The following LY6H variants were observed in gnomAD, a reference collection of about 807,000 sequenced individuals.
LY6H encodes lymphocyte antigen 6H.
In LY6H, 8 loss-of-function variants were observed where a neutral mutation model predicts 14.6. The ratio of observed to expected loss-of-function variants is 0.55; its 90% CI spans 0.32 to 0.99. The LOEUF (loss-of-function observed/expected upper bound fraction) is 0.99, where lower values mean the gene tolerates loss of function less well. Ranked by LOEUF, LY6H falls within the 50% of genes least tolerant of loss-of-function variation. The pLI is 0.04. For synonymous variants in LY6H, 115 were observed against 97.2 expected, an observed-to-expected ratio of 1.18 and a Z score of -1.08; for missense variants, 196 against 219.6, an observed-to-expected ratio of 0.89 and a Z score of 0.68.
At position 143,158,385 on chromosome 8, in the gene LY6H, C is replaced by A. The variant is rs139991654; in HGVS notation, c.351G>T (p.Gly117=). Residue 117 remains glycine (G), a synonymous_variant, in exon 4 of 4, where the codon GGG becomes GGT. Coordinates refer to ENST00000342752, the MANE Select transcript of LY6H (RefSeq NM_001135655.2). ...AGCAGTCCACGTCGACCTTTAAGATCCCAGAGTTAATAAACCCCATCAGAT... is the reference window on the plus strand; with the variant it reads ...AGCAGTCCACGTCGACCTTTAAGATACCAGAGTTAATAAACCCCATCAGAT... The part of the protein sequence containing the change: ...SDYLMGFINS[G]ILKVDVDCCE... 1 of 1,614,004 alleles carries A rather than the reference C, an allele frequency of 6.2e-7. No homozygotes were observed. The highest frequency in any genetic ancestry group is 2.2e-5 in the East Asian group (1 of 44,862).
At chr8:143,159,523 T>C in intron 2 of LY6H, 59 bp downstream of exon 2, 1 of 1,434,752 alleles carries the variant, frequency 7.0e-7, no homozygotes, top group Non-Finnish European at 9.1e-7. Flanking sequence ...CACCCGGCTC[T>C]CCCGCGGCGC....
At position 143,158,987 on chromosome 8, in the gene LY6H, GC is replaced by G. The variant is rs555586816; in HGVS notation, c.131-66del. 162 of 1,565,668 alleles carry G rather than the reference GC, an allele frequency of 1.0e-4. No homozygotes were observed. In the African/African-American group the frequency reaches 1.9e-3, roughly 18 times the overall value. On this transcript the variant is annotated intron_variant, in intron 2 of 3. Transcript: ENST00000342752. ...GGGTCCAAACCAGGCAGCCCCCTGC[GC>G]CCCCCACCCATCCCCCTGCTGCAGG...
At chr8:143,160,087 GGGGCCGGGAACCCC>G (rs1365429999) in intron 1 of LY6H, 97 bp downstream of exon 1, 5 of 981,804 alleles carry the variant, frequency 5.1e-6, no homozygotes, top group Middle Eastern at 3.6e-4. Context: ...CCTGGGCTGG[GGGGCCGGGAACCCC>G]GGGCCGAGTC....
Position 143,158,126 on chromosome 8 carries a change from G to T in LY6H, c.*124C>A. On this transcript the variant is annotated 3_prime_UTR_variant, in exon 4 of 4. Transcript: ENST00000342752. ...GCTTCACGTCGGGGGAGGAGTGAGA[G>T]CCACAGGCCACAGCCACGGAGCTGG... The T allele has an allele frequency of 1.6e-6, 1 of 643,578 alleles. No homozygotes were observed. Among genetic ancestry groups the T allele is most frequent in the Non-Finnish European group, 2.7e-6 (1 of 371,208 alleles). 39.9% of individuals were successfully genotyped at this position (643,578 alleles called of 1,614,324 possible). A position where few individuals can be genotyped will look rare whatever the true frequency, so the allele number is the denominator to read the frequency against.
chr8:143,160,094 G>GGAACCCCGGGCCGA (rs1388758937), intron 1 of LY6H, 104 bp downstream of exon 1: 1 of 1,033,776 alleles, frequency 9.7e-7, no homozygotes, highest in African/African-American at 1.7e-5. Flanking sequence ...TGGGGGGCCG[G>GGAACCCCGGGCCGA]GAACCCCGGG....
chr8:143,160,045 G>A, intron 1 of LY6H, 153 bp downstream of exon 1: 1 of 986,642 alleles, frequency 1.0e-6, no homozygotes, highest in South Asian at 5.1e-5. Context: ...GCCACTGGGG[G>A]GAGGGGCGCG....
In LY6H at chr8:143,159,699, G is replaced by C. The variant is rs1462098196; in HGVS notation, c.13C>G (p.Gln5Glu). Residue 5 changes from glutamine (Q) to glutamate (E), a missense_variant, in exon 2 of 4, where the codon CAG becomes GAG. By Grantham distance (29) the Gln-to-Glu change is conservative. Transcript: ENST00000342752. ...CGGGGGCTTGGGGCGCGGGTCCTCT[G>C]GGGCGCAAGCCTGGAGGGGAGAAGC... MLAP[Q>E]RTRAPSPRAA... 7.2e-7 allele frequency: 1 copy of C among 1,379,840 alleles called. No homozygotes were observed. Among genetic ancestry groups the C allele is most frequent in the Non-Finnish European group, 9.3e-7 (1 of 1,076,290 alleles). 85.5% of individuals were successfully genotyped at this position (1,379,840 alleles called of 1,614,324 possible).
chr8:143,159,798 C>CG (rs2130625650), intron 1 of LY6H, 89 bp from the exon 2 acceptor site: 2 of 1,280,680 alleles, frequency 1.6e-6, no homozygotes, highest in South Asian at 2.2e-5. Flanking sequence ...AATCCAAGGC[C>CG]GGGGTCCGCC....
intron 1 of LY6H, 107 bp downstream of exon 1, chr8:143,160,091 C>T: frequency 1.0e-6 from 1 of 996,296 alleles, no homozygotes; most frequent in South Asian, 5.0e-5. Context: ...GGCTGGGGGG[C>T]CGGGAACCCC....
At chr8:143,160,353 G>A (rs1366449814), upstream of LY6H, 29 of 447,052 alleles carry the variant, frequency 6.5e-5, no homozygotes, top group Admixed American at 2.1e-4. Context: ...GGGCGGAGCC[G>A]GGGCGGGGGC....
At chr8:143,158,702 C>G (rs1346116656) in intron 3 of LY6H, 101 bp downstream of exon 3, 1 of 1,463,942 alleles carries the variant, frequency 6.8e-7, no homozygotes, top group East Asian at 2.3e-5. Flanking sequence ...GCCCCACGCT[C>G]TCACTCTCGT....
chr8:143,159,547 A>G, intron 2 of LY6H, 35 bp downstream of exon 2: 1 of 1,480,764 alleles, frequency 6.8e-7, no homozygotes, highest in Admixed American at 2.3e-5. Flanking sequence ...GGGCTCTCCC[A>G]GGCACCTGAC....
At chr8:143,159,931 G>C (rs1010237571) in intron 1 of LY6H, 1 of 1,236,456 alleles carries the variant, frequency 8.1e-7, no homozygotes, top group Non-Finnish European at 1.0e-6. Context: ...GCCCCGCGCC[G>C]GCACCTGTGT....
chr8:143,160,368 C>A (rs1357813610), upstream of LY6H: 1 of 282,770 alleles, frequency 3.5e-6, no homozygotes, highest in Non-Finnish European at 5.9e-6. Context: ...GGGGGCCGCG[C>A]GGGGGGCGGG....
rs760460719 is a variant in LY6H, at chr8:143,158,967, C to T, written c.131-45G>A. The T allele has an allele frequency of 8.7e-6, 14 of 1,600,422 alleles. No individual in the cohort carries two copies. The African/African-American group carries it at 1.3e-4, about 15-fold the overall frequency. On this transcript the variant is annotated intron_variant, in intron 2 of 3. Coordinates refer to ENST00000342752, the MANE Select transcript of LY6H (RefSeq NM_001135655.2). The stretch of plus-strand genomic sequence containing the variant: ...GAGGGTGACCAGAGGCACTGGGGTC[C>T]AAACCAGGCAGCCCCCTGCGCCCCC...
intron 2 of LY6H, 147 bp from the exon 3 acceptor site, chr8:143,159,069 G>C (rs1815527267): frequency 2.6e-6 from 3 of 1,156,474 alleles, no homozygotes; most frequent in Non-Finnish European, 2.5e-6. Flanking sequence ...GACCCCTGGA[G>C]GGGGAGCAGA....
intron 2 of LY6H, 91 bp from the exon 3 acceptor site, chr8:143,159,013 G>A (rs1229534338): frequency 2.0e-6 from 3 of 1,525,848 alleles, no homozygotes; most frequent in Admixed American, 2.0e-5. Context: ...CCTGCTGCAG[G>A]CACTCCTGGG....
Position 143,158,179 on chromosome 8 carries a change from G to A in LY6H, c.*71C>T, listed in dbSNP as rs1178992001. On this transcript the variant is annotated 3_prime_UTR_variant, in exon 4 of 4. Coordinates refer to ENST00000342752, the MANE Select transcript of LY6H (RefSeq NM_001135655.2). The stretch of plus-strand genomic sequence containing the variant: ...CAAGGCTGCCCCCAGCCCCAGCCAC[G>A]CCAGGCTGGGGAGAGGGCAGCCACA... The A allele has an allele frequency of 1.2e-5, 14 of 1,159,488 alleles. No individual in the cohort carries two copies. The Admixed American group carries it at 1.3e-4, about 11-fold the overall frequency. 71.8% of individuals were successfully genotyped at this position (1,159,488 alleles called of 1,614,324 possible). A position where few individuals can be genotyped will look rare whatever the true frequency, so the allele number is the denominator to read the frequency against.
At chr8:143,159,561 G>T in intron 2 of LY6H, 21 bp downstream of exon 2, 1 of 1,493,598 alleles carries the variant, frequency 6.7e-7, no homozygotes, top group Admixed American at 2.2e-5. Flanking sequence ...ACCTGACCCA[G>T]CCCGCGGGCC....
Sources: allele counts gnomAD v4.1 joint callset, GRCh38; gene constraint gnomAD v4.1.1; transcripts MANE v1.5; gene names NCBI Gene and HGNC (gene_info 2026-07-23, HGNC 2026-07-21).